BACH1: variants seen among roughly 807,000 people sequenced by gnomAD.
The protein encoded by BACH1 is BTB domain and CNC homolog 1, also known as transcription regulator protein BACH1.
A neutral mutation model predicts 52.9 loss-of-function variants in BACH1; 35 were observed. The ratio of observed to expected loss-of-function variants is 0.66; its 90% CI spans 0.51 to 0.88. The LOEUF (loss-of-function observed/expected upper bound fraction) is 0.88. Among genes scored for constraint, BACH1 ranks in the 40% least tolerant of loss-of-function variants. BACH1 has a pLI of 0.00. For missense variants in BACH1, 808 were observed against 872.6 expected (o/e 0.93, Z 0.93); for synonymous variants, 321 against 319.6 (o/e 1.00, Z -0.05).
At chr21:29,307,078 A>G (rs1041411326) in intron 1 of BACH1, among the ~76,000 whole-genome samples, 2 of 152,158 alleles carry the variant, frequency 1.3e-5, no homozygotes, top group African/African-American at 2.4e-5. Flanking sequence ...TGTGGTCTCT[A>G]TGGCTTGCAC....
chr21:29,343,386 G>A lies in BACH1; in HGVS notation c.*553G>A, dbSNP rs2089136992. On this transcript the variant is annotated 3_prime_UTR_variant, in exon 5 of 5. Transcript: ENST00000286800. ...GGTCTTACCTGAATCTTAGGGCTTT[G>A]TTCTTCGGCTCCTAAAATCAGGCTT... 1 of 152,298 alleles carries A rather than the reference G, an allele frequency of 6.6e-6. No individual in the cohort carries two copies. Among genetic ancestry groups the A allele is most frequent in the African/African-American group, 2.4e-5 (1 of 41,454 alleles). The allele number at this position is 152,298 out of a possible 1,614,324, so 9.4% of individuals were successfully genotyped here.
chr21:29,328,777 C>A (rs1319613292), intron 3 of BACH1, among the ~76,000 whole-genome samples: 1 of 152,116 alleles, frequency 6.6e-6, no homozygotes, highest in African/African-American at 2.4e-5. Flanking sequence ...CTGTCTACTT[C>A]GTATAAGTGA....
intron 1 of BACH1, among the ~76,000 whole-genome samples, chr21:29,314,530 G>A (rs926446042): frequency 5.9e-5 from 9 of 152,128 alleles, no homozygotes; most frequent in African/African-American, 2.2e-4. Flanking sequence ...GAAAAATCTT[G>A]CCTGTATGGG....
chr21:29,352,881 T>G (rs2089211599), intron 2 of BACH1, among the ~76,000 whole-genome samples: 1 of 152,106 alleles, frequency 6.6e-6, no homozygotes, highest in African/African-American at 2.4e-5. Context: ...CTGGCTAATT[T>G]TTGTATTTTT....
At chr21:29,327,972 C>A (rs2088934988) in intron 3 of BACH1, among the ~76,000 whole-genome samples, 1 of 152,180 alleles carries the variant, frequency 6.6e-6, no homozygotes, top group African/African-American at 2.4e-5. Context: ...TTGTTTAAAT[C>A]AAATGCCATG....
At chr21:29,299,285 C>G (rs975019555) in intron 1 of BACH1, 1 of 151,924 alleles carries the variant, frequency 6.6e-6, no homozygotes, top group East Asian at 1.9e-4. Flanking sequence ...TGCCCCACCC[C>G]CCTCCCTGCC....
At chr21:29,316,993 C>T (rs1002498130) in intron 1 of BACH1, among the ~76,000 whole-genome samples, 2 of 152,220 alleles carry the variant, frequency 1.3e-5, no homozygotes, top group Non-Finnish European at 2.9e-5. Flanking sequence ...GGTCCCCAAC[C>T]TCCGGGTTGC....
chr21:29,329,359 A>T, intron 3 of BACH1, 128 bp from the exon 4 acceptor site: 1 of 643,268 alleles, frequency 1.6e-6, no homozygotes, highest in Non-Finnish European at 2.4e-6. Flanking sequence ...AAATTGGGAT[A>T]GAGGCCTATG....
At chr21:29,351,184 A>G (rs1014417173) in intron 2 of BACH1, among the ~76,000 whole-genome samples, 1 of 152,218 alleles carries the variant, frequency 6.6e-6, no homozygotes, top group Admixed American at 6.5e-5. Flanking sequence ...CTAAACAGTT[A>G]ATTTCCTTCT....
intron 1 of BACH1, among the ~76,000 whole-genome samples, chr21:29,319,969 C>T (rs1482776162): frequency 2.0e-5 from 3 of 152,066 alleles, no homozygotes; most frequent in Non-Finnish European, 4.4e-5. Flanking sequence ...TTTATATTCT[C>T]GTATGGGCCA....
intron 2 of BACH1, chr21:29,351,877 G>A (rs1043048080): frequency 7.3e-6 from 3 of 413,258 alleles, no homozygotes; most frequent in Admixed American, 2.8e-5. Flanking sequence ...GGGCCTGGGA[G>A]AGCAGACAGC....
chr21:29,306,758 A>C (rs1046568075), intron 1 of BACH1, among the ~76,000 whole-genome samples: 3 of 152,144 alleles, frequency 2.0e-5, no homozygotes, highest in Non-Finnish European at 2.9e-5. Context: ...TTGCCTTTGG[A>C]TTTGGAATTT....
chr21:29,339,690 C>G (rs1213527891), intron 4 of BACH1, among the ~76,000 whole-genome samples: 1 of 141,038 alleles, frequency 7.1e-6, no homozygotes, highest in African/African-American at 2.7e-5. Context: ...TGGAGTGCAG[C>G]GGCACAATCT....
rs376806117 is a variant in BACH1 at position 29,341,692 on chromosome 21, C to T, written c.1777-707C>T. ...CTTCACACTTTAGTAACTCACCCAC[C>T]GGCTGTCTCTAGGCATCTTAAATTC... On this transcript the variant is annotated intron_variant, in intron 4 of 4. Transcript: ENST00000286800. Among the ~76,000 whole-genome samples, 41 of 152,276 alleles carry T rather than the reference C, an allele frequency of 2.7e-4. 1 individual carries two copies. In the South Asian group the frequency reaches 6.8e-3, roughly 25 times the overall value.
rs550832158 is a variant in BACH1, at chr21:29,331,450, G to GA, written c.1776+1758dup. On this transcript the variant is annotated intron_variant, in intron 4 of 4. Coordinates refer to ENST00000286800, the MANE Select transcript of BACH1 (RefSeq NM_001186.4). The stretch of plus-strand genomic sequence containing the variant: ...ATGGATACTAAGCAAATATGTTTGA[G>GA]AGTAGCTATTATCCTTTAGAACTAC... Among the ~76,000 whole-genome samples, 85 of 152,306 alleles carry GA rather than the reference G, an allele frequency of 5.6e-4. 1 individual carries two copies. The highest frequency in any genetic ancestry group is 1.7e-3 in the South Asian group (8 of 4,832).
chr21:29,335,117 C>T (rs150485894), intron 4 of BACH1, among the ~76,000 whole-genome samples: 1 of 152,180 alleles, frequency 6.6e-6, no homozygotes, highest in African/African-American at 2.4e-5. Context: ...TCTGAGAACT[C>T]ACTGCATGAT....
chr21:29,329,487 G>A lies in BACH1; in HGVS notation c.1570G>A (p.Val524Ile). ...SCSAREQECE[V>I]KLPFNAQRII... ...TAGTAATATTTATTTCATATTCTAG[G>A]TAAAACTGCCATTCAATGCACAACG... is the stretch of plus-strand genomic sequence containing the variant. The change falls in exon 4 of 5, where the codon GTA (valine) becomes ATA (isoleucine). Residue 524 changes from valine to isoleucine, a missense_variant and splice_region_variant. Val to Ile is a conservative substitution (Grantham distance 29, BLOSUM62 3). Coordinates refer to ENST00000286800, the MANE Select transcript of BACH1 (RefSeq NM_001186.4). The A allele has an allele frequency of 1.3e-6, 2 of 1,534,118 alleles. No homozygotes were observed. The highest frequency in any genetic ancestry group is 1.8e-6 in the Non-Finnish European group (2 of 1,142,250).
At position 29,344,939 on chromosome 21, in the gene BACH1, T is replaced by C. The variant is rs374563676; in HGVS notation, c.*2106T>C. The C allele has an allele frequency of 1.4e-4, 22 of 152,760 alleles. No individual in the cohort carries two copies. In the East Asian group the frequency reaches 3.1e-3, roughly 21 times the overall value. 9.5% of individuals were successfully genotyped at this position (152,760 alleles called of 1,614,324 possible). On this transcript the variant is annotated 3_prime_UTR_variant, in exon 5 of 5. Transcript: ENST00000286800. ...TTACCTACTATTTTATGATAAAATG[T>C]AGTTGTCTCCAGAGCTTAAATATAA...
intron 4 of BACH1, among the ~76,000 whole-genome samples, chr21:29,337,993 A>G (rs897660814): frequency 6.6e-6 from 1 of 152,240 alleles, no homozygotes; most frequent in Admixed American, 6.5e-5. Context: ...GCACACTAAC[A>G]TGGCACATGT....
Sources: allele counts gnomAD v4.1 joint callset (sites outside exome capture counted in the v4.1 genomes callset), GRCh38; gene constraint gnomAD v4.1.1; transcripts MANE v1.5; gene names NCBI Gene and HGNC (gene_info 2026-07-23, HGNC 2026-07-21).